TRAF3: variants seen among roughly 807,000 people sequenced by gnomAD.
The protein encoded by TRAF3 is TNF receptor associated factor 3.
TRAF3 carries 13 observed loss-of-function variants against 62.3 expected under a neutral mutation model. That is an observed-to-expected ratio of 0.21 (90% CI 0.14 to 0.33). The LOEUF (loss-of-function observed/expected upper bound fraction) is 0.33, where lower values mean the gene tolerates loss of function less well. Ranked by LOEUF, TRAF3 falls within the 10% of genes least tolerant of loss-of-function variation. The pLI, the probability that TRAF3 is intolerant of heterozygous loss-of-function variation, is 1.00. For missense variants in TRAF3, 440 were observed against 741.8 expected (o/e 0.59, Z 4.73); for synonymous variants, 269 against 283.4 (o/e 0.95, Z 0.51).
At chr14:102,884,901 A>G (rs1448573441) in intron 6 of TRAF3, among the ~76,000 whole-genome samples, 2 of 152,036 alleles carry the variant, frequency 1.3e-5, no homozygotes, top group Admixed American at 6.5e-5. Flanking sequence ...TTTTTTACCT[A>G]TCAGATTGCC....
At chr14:102,786,104 GA>G (rs1897488912) in intron 1 of TRAF3, among the ~76,000 whole-genome samples, 2 of 152,260 alleles carry the variant, frequency 1.3e-5, no homozygotes, top group African/African-American at 4.8e-5. Flanking sequence ...TTTATGTATG[GA>G]AGGAATTAGA....
intron 1 of TRAF3, among the ~76,000 whole-genome samples, chr14:102,829,477 C>G (rs1900527425): frequency 6.6e-6 from 1 of 152,160 alleles, no homozygotes; most frequent in Non-Finnish European, 1.5e-5. Flanking sequence ...GAGGAACTAG[C>G]CTGTGTGTGT....
At chr14:102,847,405 C>T (rs1302631359) in intron 2 of TRAF3, among the ~76,000 whole-genome samples, 2 of 152,148 alleles carry the variant, frequency 1.3e-5, no homozygotes, top group African/African-American at 4.8e-5. Context: ...GAACTCCTGA[C>T]CTCAGGCAAT....
intron 10 of TRAF3, among the ~76,000 whole-genome samples, chr14:102,898,147 C>G (rs1890096839): frequency 6.6e-6 from 1 of 152,238 alleles, no homozygotes; most frequent in Non-Finnish European, 1.5e-5. Context: ...AGAGAAACTA[C>G]TTCTAATAGC....
chr14:102,819,863 G>T (rs1162457104), intron 1 of TRAF3, among the ~76,000 whole-genome samples: 1 of 152,230 alleles, frequency 6.6e-6, no homozygotes, highest in Non-Finnish European at 1.5e-5. Context: ...TCAGATCAGG[G>T]CATACCGCCA....
At chr14:102,900,496 C>A (rs1410469558) in intron 10 of TRAF3, among the ~76,000 whole-genome samples, 1 of 152,138 alleles carries the variant, frequency 6.6e-6, no homozygotes. Context: ...GCAAGACTGT[C>A]TCAAAGAAAA....
At chr14:102,843,802 TG>T (rs2139690974) in intron 2 of TRAF3, among the ~76,000 whole-genome samples, 1 of 151,972 alleles carries the variant, frequency 6.6e-6, no homozygotes, top group African/African-American at 2.4e-5. Context: ...AGTGAGACCC[TG>T]TGTTTCTAAA....
chr14:102,879,669 AAAAG>A (rs1888931897), intron 6 of TRAF3, among the ~76,000 whole-genome samples: 1 of 151,456 alleles, frequency 6.6e-6, no homozygotes, highest in Admixed American at 6.6e-5. Context: ...TTTTGCCATT[AAAAG>A]TAATGGCAAA....
intron 5 of TRAF3, 140 bp downstream of exon 5, chr14:102,875,868 G>A: frequency 5.3e-6 from 4 of 757,258 alleles, no homozygotes; most frequent in Non-Finnish European, 6.9e-6. Context: ...AAATAGGAAA[G>A]CAGTCAGAAC....
intron 1 of TRAF3, among the ~76,000 whole-genome samples, chr14:102,816,176 C>T (rs190689627): frequency 4.4e-4 from 67 of 151,886 alleles, no homozygotes; most frequent in Middle Eastern, 3.4e-3. Flanking sequence ...CATCTCAGTT[C>T]TCTTCAACCT....
chr14:102,887,808 C>G (rs983913725), intron 7 of TRAF3, among the ~76,000 whole-genome samples: 5 of 152,022 alleles, frequency 3.3e-5, no homozygotes, highest in East Asian at 1.9e-4. Context: ...TGTTAGCCAG[C>G]ATGGTCTCCG....
At chr14:102,785,273 C>T (rs922782451) in intron 1 of TRAF3, among the ~76,000 whole-genome samples, 6 of 152,290 alleles carry the variant, frequency 3.9e-5, no homozygotes, top group African/African-American at 1.4e-4. Flanking sequence ...CCATCTCTGG[C>T]GTAAGTTCCT....
intron 2 of TRAF3, among the ~76,000 whole-genome samples, chr14:102,858,238 G>A (rs1887487793): frequency 6.6e-6 from 1 of 151,260 alleles, no homozygotes; most frequent in South Asian, 2.1e-4. Flanking sequence ...TGCAACCTCT[G>A]CCTCCTAGGT....
chr14:102,881,500 ACAC>A (rs1225940767), intron 6 of TRAF3, among the ~76,000 whole-genome samples: 61 of 152,302 alleles, frequency 4.0e-4, no homozygotes, highest in African/African-American at 1.4e-3. Flanking sequence ...GAACAGAAAA[ACAC>A]CACATGTTCT....
intron 1 of TRAF3, among the ~76,000 whole-genome samples, chr14:102,812,689 G>T (rs1279347192): frequency 6.6e-6 from 1 of 152,084 alleles, no homozygotes; most frequent in South Asian, 2.1e-4. Flanking sequence ...GGAGGCCGAG[G>T]GGGGCGGATC....
At chr14:102,778,514 C>T (rs1897132306) in intron 1 of TRAF3, among the ~76,000 whole-genome samples, 1 of 152,174 alleles carries the variant, frequency 6.6e-6, no homozygotes, top group Non-Finnish European at 1.5e-5. Context: ...GTTGACGGGA[C>T]CAGTTGTATT....
intron 1 of TRAF3, among the ~76,000 whole-genome samples, chr14:102,792,364 C>T (rs1897847437): frequency 6.6e-6 from 1 of 151,566 alleles, no homozygotes; most frequent in South Asian, 2.1e-4. Flanking sequence ...TCACCTTGAG[C>T]AGTTCTCCTG....
Position 102,881,824 on chromosome 14 carries a change from A to G in TRAF3, c.571-4365A>G, listed in dbSNP as rs145328344. ...TTTATTTGCAGAATAGAATCCAACA[A>G]CTGATTTTTGTTTAAGAAGGAATCG... On this transcript the variant is annotated intron_variant, in intron 6 of 11. Coordinates refer to ENST00000392745, the MANE Select transcript of TRAF3 (RefSeq NM_145725.3). Among the ~76,000 whole-genome samples the G allele has an allele frequency of 5.8e-3, 883 of 152,306 alleles. 13 individuals are homozygous for G. Among genetic ancestry groups the G allele is most frequent in the African/African-American group, 0.02 (836 of 41,570 alleles).
chr14:102,835,489 G>T (rs760689137), intron 2 of TRAF3, among the ~76,000 whole-genome samples: 1 of 152,142 alleles, frequency 6.6e-6, no homozygotes, highest in Non-Finnish European at 1.5e-5. Flanking sequence ...GCAAAGACAT[G>T]GAATCCACTG....
Sources: gnomAD v4.1 joint callset for allele counts (sites outside exome capture counted in the v4.1 genomes callset) on GRCh38, gnomAD v4.1.1 for gene constraint, MANE v1.5 for transcripts, NCBI Gene and HGNC (gene_info 2026-07-23, HGNC 2026-07-21) for gene names.